IL19: variants seen among roughly 807,000 people sequenced by gnomAD.
The protein encoded by IL19 is interleukin 19, also known as interleukin-19.
A neutral mutation model predicts 19.5 loss-of-function variants in IL19; 15 were observed. The observed-to-expected ratio is 0.77, with a 90% CI of 0.52 to 1.19. IL19 has a LOEUF of 1.19. IL19 is among the 50% of genes most tolerant of loss of function. The pLI is 0.00. For synonymous variants in IL19, 78 were observed against 78.3 expected (o/e 1.00, Z 0.02); for missense variants, 199 against 213.1 (o/e 0.93, Z 0.41).
At chr1:206,794,993 G>C (rs1441427488) in intron 1 of IL19, among the ~76,000 whole-genome samples, 1 of 152,232 alleles carries the variant, frequency 6.6e-6, no homozygotes, top group Non-Finnish European at 1.5e-5. Context: ...GTGCCTGGCA[G>C]ATCACCCAAA....
chr1:206,821,536 A>G (rs914042349), intron 2 of IL19, among the ~76,000 whole-genome samples: 1 of 152,196 alleles, frequency 6.6e-6, no homozygotes, highest in Middle Eastern at 3.2e-3. Context: ...CTCCTCTGGG[A>G]GTTCCCTGGG....
chr1:206,819,674 A>G (rs1676246817), intron 2 of IL19, among the ~76,000 whole-genome samples: 1 of 152,000 alleles, frequency 6.6e-6, no homozygotes, highest in Non-Finnish European at 1.5e-5. Context: ...CATATTGGAG[A>G]GTTCAGATTA....
At chr1:206,828,159 T>C (rs967445374) in intron 2 of IL19, among the ~76,000 whole-genome samples, 4 of 1,250 alleles carry the variant, frequency 3.2e-3, no homozygotes, top group African/African-American at 5.3e-3. Context: ...CCACCACTTA[T>C]AATTACAGAA....
chr1:206,816,626 A>T (rs938498577), intron 2 of IL19, among the ~76,000 whole-genome samples: 3 of 152,216 alleles, frequency 2.0e-5, no homozygotes, highest in South Asian at 4.1e-4. Flanking sequence ...AAAGGTATTT[A>T]AAAAAAGATG....
intron 2 of IL19, among the ~76,000 whole-genome samples, chr1:206,820,292 T>C (rs973072731): frequency 7.2e-5 from 11 of 152,138 alleles, no homozygotes; most frequent in African/African-American, 1.4e-4. Flanking sequence ...CCGCTTGAGG[T>C]TGACATCAGT....
chr1:206,799,027 G>A (rs1414847492), intron 2 of IL19, 21 bp downstream of exon 2: 1 of 1,512,168 alleles, frequency 6.6e-7, no homozygotes, highest in South Asian at 1.1e-5. Context: ...TCTGCTATAG[G>A]GACCCTGGAT....
At chr1:206,835,167 A>G (rs142053808) in intron 2 of IL19, among the ~76,000 whole-genome samples, 90 of 152,308 alleles carry the variant, frequency 5.9e-4, no homozygotes, top group African/African-American at 2.0e-3. Context: ...ATGAGCAGGC[A>G]ATATCTGCCT....
intron 2 of IL19, among the ~76,000 whole-genome samples, chr1:206,831,248 A>G (rs1260501457): frequency 6.6e-6 from 1 of 152,172 alleles, no homozygotes; most frequent in Non-Finnish European, 1.5e-5. Flanking sequence ...TGTGTCCAGA[A>G]CATGTCAAAC....
intron 5 of IL19, 57 bp from the exon 6 acceptor site, chr1:206,840,947 A>G: frequency 1.4e-6 from 2 of 1,410,864 alleles, no homozygotes; most frequent in South Asian, 2.3e-5. Flanking sequence ...AGGCAGGAGT[A>G]AGAGAGGGCC....
chr1:206,802,666 ATT>A (rs66469360), intron 2 of IL19, among the ~76,000 whole-genome samples: 4 of 148,814 alleles, frequency 2.7e-5, no homozygotes, highest in African/African-American at 9.9e-5. Flanking sequence ...CAAATTTTCA[ATT>A]TTTTTTTTCT....
chr1:206,808,437 G>A (rs569441018), intron 2 of IL19, among the ~76,000 whole-genome samples: 7 of 152,256 alleles, frequency 4.6e-5, no homozygotes, highest in African/African-American at 1.2e-4. Context: ...GAGTGACTGT[G>A]GCCTTGAAGG....
chr1:206,778,875 C>T (rs1675068898), intron 1 of IL19, among the ~76,000 whole-genome samples: 1 of 152,198 alleles, frequency 6.6e-6, no homozygotes, highest in South Asian at 2.1e-4. Context: ...TCTTCATAAA[C>T]ATTTCTCTAA....
At chr1:206,796,666 TGCTGTACAG>T (rs1675532660) in intron 1 of IL19, among the ~76,000 whole-genome samples, 1 of 152,210 alleles carries the variant, frequency 6.6e-6, no homozygotes. Context: ...TACAGCATCA[TGCTGTACAG>T]GTTTGTAGCC....
At chr1:206,840,735 A>G (rs1042600377) in intron 5 of IL19, 3 of 442,064 alleles carry the variant, frequency 6.8e-6, no homozygotes, top group African/African-American at 5.8e-5. Context: ...TGCAGCACTC[A>G]GAGTGGTGAT....
At chr1:206,819,173 T>C (rs1210754968) in intron 2 of IL19, among the ~76,000 whole-genome samples, 1 of 152,168 alleles carries the variant, frequency 6.6e-6, no homozygotes, top group Non-Finnish European at 1.5e-5. Flanking sequence ...ACTCCTGGGC[T>C]CAAGCAATCC....
intron 2 of IL19, among the ~76,000 whole-genome samples, chr1:206,815,305 C>T (rs1040301569): frequency 6.6e-5 from 10 of 152,218 alleles, no homozygotes; most frequent in Middle Eastern, 3.4e-3. Flanking sequence ...TAAGTGGTCA[C>T]AGTACCCAGA....
intron 4 of IL19, among the ~76,000 whole-genome samples, chr1:206,838,773 TC>T (rs1676891986): frequency 6.7e-6 from 1 of 148,514 alleles, no homozygotes. Flanking sequence ...TCCCTTCCCT[TC>T]CCTTCCCTTC....
chr1:206,842,226 G>T (rs1677040401), intron 6 of IL19, among the ~76,000 whole-genome samples: 1 of 151,984 alleles, frequency 6.6e-6, no homozygotes, highest in Admixed American at 6.5e-5. Context: ...GAACTGGCCA[G>T]TAAGGCAGAT....
intron 1 of IL19, among the ~76,000 whole-genome samples, chr1:206,777,498 T>G (rs1456248907): frequency 6.6e-6 from 1 of 152,012 alleles, no homozygotes; most frequent in African/African-American, 2.4e-5. Flanking sequence ...CATGCCTTAC[T>G]GCAATTCTGC....
Sources: allele counts gnomAD v4.1 joint callset (sites outside exome capture counted in the v4.1 genomes callset), GRCh38; gene constraint gnomAD v4.1.1; transcripts MANE v1.5; gene names NCBI Gene and HGNC (gene_info 2026-07-23, HGNC 2026-07-21).